Variants in CUBN observed in about 807,000 individuals in gnomAD.
CUBN encodes cubilin, also known as 460 kDa receptor.
A neutral mutation model predicts 405.3 loss-of-function variants in CUBN; 282 were observed. The ratio of observed to expected loss-of-function variants is 0.70; its 90% CI spans 0.63 to 0.77. The LOEUF (loss-of-function observed/expected upper bound fraction) is 0.77. CUBN is among the 30% of genes least tolerant of loss of function. The probability of loss-of-function intolerance (pLI) is 0.00; values close to 1 mark genes in which losing one functional copy is unlikely to be tolerated. For synonymous variants in CUBN, 1,684 were observed against 1,617.0 expected (o/e 1.04, Z -0.99); for missense variants, 4,514 against 4,475.2 (o/e 1.01, Z -0.25).
rs770978369 is a variant in CUBN, at chr10:16,952,392, G to A, written c.4856-3C>T. The A allele has an allele frequency of 1.3e-6, 2 of 1,571,830 alleles. No homozygotes were observed. The highest frequency in any genetic ancestry group is 1.8e-6 in the Non-Finnish European group (2 of 1,141,706). On this transcript the variant is annotated splice_polypyrimidine_tract_variant and splice_region_variant and intron_variant, in intron 32 of 66. Transcript: ENST00000377833. Reference sequence around the variant, plus strand: ...GGTGAGGATGTGGCCTCCGCAGGCTGGGGAACACACAAACACACATACATG... The same window carrying A: ...GGTGAGGATGTGGCCTCCGCAGGCTAGGGAACACACAAACACACATACATG...
intron 38 of CUBN, among the ~76,000 whole-genome samples, chr10:16,938,399 C>G (rs576057172): frequency 1.3e-5 from 2 of 152,204 alleles, no homozygotes; most frequent in East Asian, 3.9e-4. Flanking sequence ...TTCATATGAA[C>G]AGTTATTATA....
chr10:17,084,546 CCACACA>C, intron 16 of CUBN, 85 bp from the exon 17 acceptor site: 1 of 914,902 alleles, frequency 1.1e-6, no homozygotes, highest in Non-Finnish European at 1.7e-6. Context: ...AAAAATTTAC[CCACACA>C]CACACACACA....
At chr10:16,890,302 C>T in intron 55 of CUBN, 69 bp downstream of exon 55, 2 of 1,555,072 alleles carry the variant, frequency 1.3e-6, no homozygotes, top group Non-Finnish European at 8.9e-7. Context: ...CAGGTTTAGC[C>T]AACCCTGCCT....
At chr10:17,014,577 C>T (rs1439786853) in intron 28 of CUBN, among the ~76,000 whole-genome samples, 7 of 152,154 alleles carry the variant, frequency 4.6e-5, no homozygotes, top group African/African-American at 1.7e-4. Flanking sequence ...GTCCCTCTGG[C>T]TAAGATTAGG....
intron 31 of CUBN, among the ~76,000 whole-genome samples, chr10:16,973,708 T>A (rs1184772237): frequency 6.6e-6 from 1 of 152,180 alleles, no homozygotes; most frequent in African/African-American, 2.4e-5. Context: ...GTACTCAGTG[T>A]TTAGCTCCCA....
At chr10:16,888,290 C>A (rs2131395822) in intron 56 of CUBN, 127 bp downstream of exon 56, 1 of 765,664 alleles carries the variant, frequency 1.3e-6, no homozygotes, top group Non-Finnish European at 2.2e-6. Context: ...AGTGAGTGAG[C>A]AGACATGTTA....
intron 30 of CUBN, 88 bp from the exon 31 acceptor site, chr10:16,982,741 A>T: frequency 8.3e-7 from 1 of 1,206,246 alleles, no homozygotes; most frequent in Non-Finnish European, 1.2e-6. Flanking sequence ...TCAATACATT[A>T]CTTTGCTTGA....
In CUBN at chr10:16,844,443, C is replaced by T. The variant is rs532419542; in HGVS notation, c.9664-3396G>A. Among the ~76,000 whole-genome samples the T allele has an allele frequency of 2.0e-5, 3 of 152,258 alleles. No individual in the cohort carries two copies. In the South Asian group the frequency reaches 6.2e-4, roughly 32 times the overall value. On this transcript the variant is annotated intron_variant, in intron 60 of 66. Coordinates refer to ENST00000377833, the MANE Select transcript of CUBN (RefSeq NM_001081.4). ...AGAGAACAGGAGAAATGACGAAGTC[C>T]AACAAACAAAGCTGTGAAGTTCCAT...
At chr10:16,975,083 G>T (rs1471233856) in intron 31 of CUBN, among the ~76,000 whole-genome samples, 3 of 152,096 alleles carry the variant, frequency 2.0e-5, no homozygotes, top group African/African-American at 7.2e-5. Context: ...GGAAGCAGGG[G>T]GCCAATGACC....
intron 39 of CUBN, among the ~76,000 whole-genome samples, chr10:16,933,757 T>C (rs1842424117): frequency 6.6e-6 from 1 of 152,228 alleles, no homozygotes; most frequent in African/African-American, 2.4e-5. Context: ...TGTGGCCTTC[T>C]AGATTTCCAG....
chr10:16,980,905 A>G (rs201793868), intron 31 of CUBN, among the ~76,000 whole-genome samples: 1 of 145,066 alleles, frequency 6.9e-6, no homozygotes, highest in Non-Finnish European at 1.5e-5. Flanking sequence ...GAAAAAAAAA[A>G]CCCTTCAAAA....
chr10:16,964,383 T>G (rs1306825214), intron 31 of CUBN, among the ~76,000 whole-genome samples: 1 of 152,110 alleles, frequency 6.6e-6, no homozygotes, highest in African/African-American at 2.4e-5. Context: ...TTAAGAAAAT[T>G]TCAAATAATA....
At chr10:17,116,402 A>T (rs569149999) in intron 6 of CUBN, among the ~76,000 whole-genome samples, 1 of 152,320 alleles carries the variant, frequency 6.6e-6, no homozygotes, top group East Asian at 1.9e-4. Context: ...CAGAAGCCTA[A>T]GCCTATCCCC....
At chr10:17,057,240 C>T (rs1179212378) in intron 22 of CUBN, among the ~76,000 whole-genome samples, 2 of 152,098 alleles carry the variant, frequency 1.3e-5, no homozygotes, top group Non-Finnish European at 1.5e-5. Flanking sequence ...CCATAGGCAA[C>T]GTGTTGAGGG....
At chr10:17,044,700 T>C (rs980395872) in intron 25 of CUBN, among the ~76,000 whole-genome samples, 1 of 152,196 alleles carries the variant, frequency 6.6e-6, no homozygotes, top group Non-Finnish European at 1.5e-5. Context: ...AAATTGTGAT[T>C]TTTCAATGCA....
chr10:16,828,211 C>G (rs557104527), intron 66 of CUBN, among the ~76,000 whole-genome samples: 1 of 151,976 alleles, frequency 6.6e-6, no homozygotes, highest in African/African-American at 2.4e-5. Flanking sequence ...CCTGGGAAAT[C>G]CCGATTCAGT....
chr10:17,114,474 A>G (rs1836842830), intron 7 of CUBN, among the ~76,000 whole-genome samples: 1 of 152,174 alleles, frequency 6.6e-6, no homozygotes, highest in African/African-American at 2.4e-5. Context: ...ATTAAAGTCA[A>G]TCAACTCAGC....
At chr10:16,881,521 G>C (rs1019660885) in intron 56 of CUBN, among the ~76,000 whole-genome samples, 1 of 152,172 alleles carries the variant, frequency 6.6e-6, no homozygotes, top group Non-Finnish European at 1.5e-5. Context: ...AAGTTGACAA[G>C]GGATTTTAGA....
intron 64 of CUBN, among the ~76,000 whole-genome samples, chr10:16,834,278 G>T (rs1286601706): frequency 6.6e-6 from 1 of 152,134 alleles, no homozygotes; most frequent in Non-Finnish European, 1.5e-5. Context: ...GGGGCAGAAA[G>T]AGCACAGAGG....
Sources: gnomAD v4.1 joint callset for allele counts (sites outside exome capture counted in the v4.1 genomes callset) on GRCh38, gnomAD v4.1.1 for gene constraint, MANE v1.5 for transcripts, NCBI Gene and HGNC (gene_info 2026-07-23, HGNC 2026-07-21) for gene names.